Variants in TMPRSS9 observed in about 807,000 individuals in gnomAD.
TMPRSS9 encodes transmembrane protease serine 9.
Under a neutral mutation model 111.4 loss-of-function variants are expected in TMPRSS9, and 113 were observed. That is an observed-to-expected ratio of 1.01 (90% CI 0.87 to 1.19). TMPRSS9 has a LOEUF of 1.19. TMPRSS9 is among the 50% of genes most tolerant of loss of function. The pLI is 0.00. For missense variants in TMPRSS9, 1,803 were observed against 1,513.1 expected, an observed-to-expected ratio of 1.19 and a Z score of -3.18; for synonymous variants, 805 against 659.1, an observed-to-expected ratio of 1.22 and a Z score of -3.39.
exon 18 of TMPRSS9, chr19:2,425,975 G>A (rs1005208420): frequency 6.2e-7 from 1 of 1,608,174 alleles, no homozygotes; most frequent in Non-Finnish European, 8.5e-7. Flanking sequence ...TGGACGGTGG[G>A]TGCTAACTGG....
chr19:2,405,542 A>T (rs374006903), exon 7 of TMPRSS9: 1 of 1,568,702 alleles, frequency 6.4e-7, no homozygotes, highest in Non-Finnish European at 8.6e-7. Context: ...CACTGCTTCA[A>T]TGAGTAAGCC....
chr19:2,360,729 C>A (rs1970187846), intron 1 of TMPRSS9, among the ~76,000 whole-genome samples: 1 of 149,884 alleles, frequency 6.7e-6, no homozygotes, highest in Non-Finnish European at 1.5e-5. Flanking sequence ...GTTATGTGGA[C>A]GCAGGTGTGG....
chr19:2,392,398 A>G (rs1568176154), intron 1 of TMPRSS9, among the ~76,000 whole-genome samples: 2 of 151,674 alleles, frequency 1.3e-5, no homozygotes, highest in African/African-American at 4.9e-5. Context: ...GATAAAAAAT[A>G]AAAAAGAAAA....
chr19:2,426,025 C>G (rs376895555), exon 18 of TMPRSS9: 3 of 1,608,952 alleles, frequency 1.9e-6, no homozygotes, highest in South Asian at 1.1e-5. Flanking sequence ...GGCCCCACTT[C>G]CCAGGTGTCT....
At chr19:2,391,392 A>ATTTTT (rs1159116597) in intron 1 of TMPRSS9, among the ~76,000 whole-genome samples, 1 of 140,838 alleles carries the variant, frequency 7.1e-6, no homozygotes, top group Non-Finnish European at 1.6e-5. Context: ...TTTTTTTTAA[A>ATTTTT]AAATATTTGT....
At chr19:2,376,081 C>T (rs1258791633) in intron 1 of TMPRSS9, among the ~76,000 whole-genome samples, 1 of 152,166 alleles carries the variant, frequency 6.6e-6, no homozygotes, top group Admixed American at 6.6e-5. Flanking sequence ...ATGGGCCTCC[C>T]TGGGCCAAAG....
chr19:2,416,485 G>T, intron 11 of TMPRSS9, 53 bp from the exon 13 acceptor site: 2 of 1,561,274 alleles, frequency 1.3e-6, no homozygotes, highest in South Asian at 2.3e-5. Context: ...CCCTCCCCAA[G>T]AAGGCGGGCA....
In TMPRSS9 at chr19:2,393,120, G is replaced by A. The variant is rs367886319; in HGVS notation, c.142+3193G>A. Among the ~76,000 whole-genome samples, 14 of 152,292 alleles carry A rather than the reference G, an allele frequency of 9.2e-5. No homozygotes were observed. In the East Asian group the frequency reaches 1.5e-3, roughly 17 times the overall value. On this transcript the variant is annotated intron_variant, in intron 1 of 17. Transcript: ENST00000648592. ...AGGATGTGGGTGGGGCCAGATAAGG[G>A]AATAAAAGCGGACTGCTGGAGCCAG...
exon 11 of TMPRSS9, chr19:2,415,729 G>C: frequency 1.2e-6 from 2 of 1,609,984 alleles, no homozygotes; most frequent in Non-Finnish European, 1.7e-6. Flanking sequence ...GTTCGGAGCT[G>C]CCTCCGGGGA....
intron 1 of TMPRSS9, among the ~76,000 whole-genome samples, chr19:2,373,850 A>G (rs947844211): frequency 1.1e-4 from 17 of 152,190 alleles, no homozygotes; most frequent in African/African-American, 4.1e-4. Context: ...TGCAGCTTGG[A>G]GGTTTTCAGC....
At chr19:2,408,816 A>G (rs1225623027) in intron 8 of TMPRSS9, among the ~76,000 whole-genome samples, 186 bp downstream of exon 9, 1 of 127,790 alleles carries the variant, frequency 7.8e-6, no homozygotes, top group Non-Finnish European at 1.6e-5. Flanking sequence ...CTCTACTAAA[A>G]AATACACACA....
At chr19:2,384,369 GAGAGTAAA>G (rs1251621368) in intron 1 of TMPRSS9, among the ~76,000 whole-genome samples, 1 of 152,174 alleles carries the variant, frequency 6.6e-6, no homozygotes, top group Non-Finnish European at 1.5e-5. Context: ...GGGGTCTCAC[GAGAGTAAA>G]AGAATGTAAG....
rs768745192 is a variant in TMPRSS9, at chr19:2,424,084, C to T, written c.2549-5C>T. On this transcript the variant is annotated splice_polypyrimidine_tract_variant and splice_region_variant and intron_variant, in intron 14 of 17. Coordinates refer to ENST00000648592, the Ensembl canonical transcript of TMPRSS9. Reference sequence around the variant, plus strand: ...CGCCTGCCCACGCGCCTGGCTCCCCCGCAGACTGTGGCCTGGCGCCGGCCG... The same window carrying T: ...CGCCTGCCCACGCGCCTGGCTCCCCTGCAGACTGTGGCCTGGCGCCGGCCG... 14 of 1,285,564 alleles carry T rather than the reference C, an allele frequency of 1.1e-5. No individual in the cohort carries two copies. The highest frequency in any genetic ancestry group is 6.2e-5 in the African/African-American group (4 of 64,782). 79.6% of individuals were successfully genotyped at this position (1,285,564 alleles called of 1,614,324 possible). A position where few individuals can be genotyped will look rare whatever the true frequency, so the allele number is the denominator to read the frequency against.
Position 2,399,206 on chromosome 19 carries a change from C to T in TMPRSS9, c.514+13C>T, listed in dbSNP as rs573783615. On this transcript the variant is annotated intron_variant, in intron 4 of 17. Coordinates refer to ENST00000648592, the Ensembl canonical transcript of TMPRSS9. ...GCTGAGCTCACAGGTGAGTGGGCAG[C>T]CGAGACCGAAACCCCATCACGAGGA... 2.3e-5 allele frequency: 36 copies of T among 1,571,094 alleles called. No individual in the cohort carries two copies. The Admixed American group carries it at 4.8e-4, about 21-fold the overall frequency.
At chr19:2,408,301 C>T (rs1469648507) in intron 7 of TMPRSS9, 55 bp from the exon 9 acceptor site, 4 of 1,578,036 alleles carry the variant, frequency 2.5e-6, no homozygotes, top group South Asian at 2.3e-5. Context: ...TCCCGTCTGC[C>T]TCCCCCGACG....
intron 1 of TMPRSS9, among the ~76,000 whole-genome samples, chr19:2,375,523 A>G (rs534238218): frequency 2.3e-3 from 272 of 116,104 alleles, no homozygotes; most frequent in African/African-American, 8.1e-3. Context: ...GCCAGGGTCC[A>G]GTGTGGACCA....
At position 2,389,858 on chromosome 19, in the gene TMPRSS9, T is replaced by A. The variant is rs200263084; in HGVS notation, c.73T>A (p.Cys25Ser). ...GGAAGTCCCCGCTCTGGATGCCGCGTGCTGTCGAGCGGCCAGCATTGGCGT... is the reference window on the plus strand; with the variant it reads ...GGAAGTCCCCGCTCTGGATGCCGCGAGCTGTCGAGCGGCCAGCATTGGCGT... The change falls in exon 1 of 18, where the codon TGC becomes AGC. Residue 25 changes from cysteine (C) to serine (S), a missense_variant. Transcript: ENST00000648592. 6.2e-6 allele frequency: 10 copies of A among 1,614,068 alleles called. No homozygotes were observed. In the East Asian group the frequency reaches 2.0e-4, roughly 32 times the overall value.
chr19:2,412,515 T>C (rs1272086504), intron 9 of TMPRSS9, among the ~76,000 whole-genome samples: 2 of 152,216 alleles, frequency 1.3e-5, no homozygotes, highest in Non-Finnish European at 2.9e-5. Flanking sequence ...GGATTCTATG[T>C]ACCCTTTCAA....
At chr19:2,421,868 C>T (rs766001493) in exon 14 of TMPRSS9, 4 of 1,601,946 alleles carry the variant, frequency 2.5e-6, no homozygotes, top group Non-Finnish European at 3.4e-6. Context: ...ACTCTGGGGG[C>T]CCCCTGGCCT....
Sources: gnomAD v4.1 joint callset for allele counts (sites outside exome capture counted in the v4.1 genomes callset) on GRCh38, gnomAD v4.1.1 for gene constraint, MANE v1.5 for transcripts, NCBI Gene and HGNC (gene_info 2026-07-23, HGNC 2026-07-21) for gene names.